Variants in LGR6 observed in about 807,000 individuals in gnomAD.
LGR6 encodes the protein leucine-rich repeat-containing G protein-coupled receptor 6.
In LGR6, 45 loss-of-function variants were observed where a neutral mutation model predicts 69.4. The ratio of observed to expected loss-of-function variants is 0.65; its 90% confidence interval spans 0.51 to 0.83. The LOEUF (loss-of-function observed/expected upper bound fraction) is 0.83, where lower values mean the gene tolerates loss of function less well. LGR6 is among the 40% of genes least tolerant of loss of function. The pLI, the probability that LGR6 is intolerant of heterozygous loss-of-function variation, is 0.00. For synonymous variants in LGR6, 538 were observed against 555.0 expected (o/e 0.97, Z 0.43); for missense variants, 1,108 against 1,246.7 (o/e 0.89, Z 1.68).
At chr1:202,271,395 C>T (rs1338021299) in intron 4 of LGR6, among the ~76,000 whole-genome samples, 3 of 152,162 alleles carry the variant, frequency 2.0e-5, no homozygotes, top group Admixed American at 6.5e-5. Flanking sequence ...AGCACCTTAT[C>T]CTACCGGGAG....
At chr1:202,312,176 T>G (rs1208530429) in intron 16 of LGR6, among the ~76,000 whole-genome samples, 1 of 152,188 alleles carries the variant, frequency 6.6e-6, no homozygotes, top group African/African-American at 2.4e-5. Flanking sequence ...CTGTGGGAGC[T>G]AATGAGCCTC....
intron 2 of LGR6, among the ~76,000 whole-genome samples, chr1:202,226,786 G>T (rs1292386884): frequency 1.3e-5 from 2 of 152,214 alleles, no homozygotes; most frequent in African/African-American, 4.8e-5. Context: ...AGTGGTCAGG[G>T]TTGGCCTGGC....
At chr1:202,214,345 C>T in intron 1 of LGR6, 2 of 1,127,464 alleles carry the variant, frequency 1.8e-6, no homozygotes, top group Middle Eastern at 2.8e-4. Flanking sequence ...CTACCCGGGC[C>T]GGCCCTAATC....
intron 4 of LGR6, among the ~76,000 whole-genome samples, chr1:202,265,865 C>T (rs1296827784): frequency 2.6e-5 from 4 of 152,160 alleles, no homozygotes; most frequent in East Asian, 1.9e-4. Context: ...ACATAGCCCG[C>T]GTCTTCAGGG....
chr1:202,233,650 A>C (rs1224076909), intron 3 of LGR6, among the ~76,000 whole-genome samples: 1 of 152,194 alleles, frequency 6.6e-6, no homozygotes, highest in African/African-American at 2.4e-5. Flanking sequence ...GAAGGAATCA[A>C]GGTCCAGAGA....
At chr1:202,280,931 G>A in intron 6 of LGR6, 79 bp downstream of exon 6, 1 of 1,345,274 alleles carries the variant, frequency 7.4e-7, no homozygotes, top group South Asian at 1.3e-5. Flanking sequence ...GGAGCACACA[G>A]AGGGAAGAGC....
chr1:202,305,948 C>A (rs1322912977), intron 12 of LGR6, among the ~76,000 whole-genome samples, 199 bp downstream of exon 12: 2 of 152,152 alleles, frequency 1.3e-5, no homozygotes, highest in Non-Finnish European at 2.9e-5. Flanking sequence ...GGACTCACAG[C>A]AGAAGACCGA....
intron 4 of LGR6, among the ~76,000 whole-genome samples, chr1:202,238,444 A>G (rs1292687371): frequency 2.8e-5 from 3 of 107,714 alleles, no homozygotes; most frequent in African/African-American, 1.1e-4. Context: ...TTTTTAAGAC[A>G]GAGTTTTTTT....
chr1:202,286,687 A>G (rs1666415823), intron 6 of LGR6, among the ~76,000 whole-genome samples: 1 of 152,034 alleles, frequency 6.6e-6, no homozygotes, highest in Non-Finnish European at 1.5e-5. Flanking sequence ...ATTAGCTGCA[A>G]ATTTGTAGGG....
chr1:202,196,733 T>C (rs1571799483), intron 1 of LGR6, among the ~76,000 whole-genome samples: 1 of 152,144 alleles, frequency 6.6e-6, no homozygotes. Flanking sequence ...CTCCTATGGG[T>C]GCTCCATGGA....
intron 9 of LGR6, among the ~76,000 whole-genome samples, chr1:202,302,711 T>A (rs927787496): frequency 2.0e-5 from 3 of 152,112 alleles, no homozygotes; most frequent in Non-Finnish European, 2.9e-5. Context: ...CACGCCCGAC[T>A]GCTTTTTGTA....
chr1:202,219,661 A>C (rs1033100030), intron 1 of LGR6, among the ~76,000 whole-genome samples: 1 of 152,144 alleles, frequency 6.6e-6, no homozygotes, highest in Admixed American at 6.5e-5. Context: ...CCTGTGTATG[A>C]GAGTAATGCA....
chr1:202,288,951 C>T (rs553229154), intron 6 of LGR6, among the ~76,000 whole-genome samples: 15 of 152,136 alleles, frequency 9.9e-5, no homozygotes, highest in African/African-American at 3.4e-4. Flanking sequence ...ATGTTGCCTA[C>T]AGAGGTCTGA....
intron 4 of LGR6, among the ~76,000 whole-genome samples, chr1:202,245,855 G>A (rs964547593): frequency 6.6e-6 from 1 of 152,002 alleles, no homozygotes; most frequent in Non-Finnish European, 1.5e-5. Flanking sequence ...CTGAGTTCTG[G>A]GTCTGTCAGG....
At chr1:202,260,693 T>G (rs1008722519) in intron 4 of LGR6, among the ~76,000 whole-genome samples, 1 of 152,186 alleles carries the variant, frequency 6.6e-6, no homozygotes, top group African/African-American at 2.4e-5. Context: ...AAGTAGTTTT[T>G]CCCCCAAGAA....
chr1:202,200,615 C>T (rs1256709950), intron 1 of LGR6, among the ~76,000 whole-genome samples: 1 of 152,126 alleles, frequency 6.6e-6, no homozygotes, highest in African/African-American at 2.4e-5. Context: ...TTAGCCAAAC[C>T]GAAATGAACT....
intron 1 of LGR6, chr1:202,214,197 A>C: frequency 2.6e-6 from 4 of 1,536,654 alleles, no homozygotes; most frequent in Non-Finnish European, 3.5e-6. Flanking sequence ...GGCGGGACAG[A>C]ACCTCTCCCG....
At chr1:202,271,808 C>CA (rs754922941) in intron 4 of LGR6, among the ~76,000 whole-genome samples, 43,421 of 87,764 alleles carry the variant, frequency 0.49, 10,044 homozygotes, top group East Asian at 0.69. Flanking sequence ...AACTCTGTCT[C>CA]AAAAAAAAAA....
intron 1 of LGR6, among the ~76,000 whole-genome samples, chr1:202,222,992 T>A: frequency 6.6e-6 from 1 of 152,032 alleles, no homozygotes; most frequent in Admixed American, 6.6e-5. Context: ...TCCCAGCTAC[T>A]CAGGAGGCTG....
Sources: allele counts gnomAD v4.1 joint callset (sites outside exome capture counted in the v4.1 genomes callset), GRCh38; gene constraint gnomAD v4.1.1; transcripts MANE v1.5; gene names NCBI Gene and HGNC (gene_info 2026-07-23, HGNC 2026-07-21).